The following SLIT3 variants were observed in gnomAD, a reference collection of about 807,000 sequenced individuals.
SLIT3 encodes slit guidance ligand 3.
SLIT3 carries 68 observed loss-of-function variants against 184.0 expected under a neutral mutation model. The observed-to-expected ratio is 0.37, with a 90% CI of 0.30 to 0.45. SLIT3 has a LOEUF of 0.45. Among genes scored for constraint, SLIT3 ranks in the 20% least tolerant of loss-of-function variants. The pLI, the probability that SLIT3 is intolerant of heterozygous loss-of-function variation, is 1.00. For synonymous variants in SLIT3, 831 were observed against 828.6 expected, an observed-to-expected ratio of 1.00 and a Z score of -0.05; for missense variants, 1,707 against 2,026.0, an observed-to-expected ratio of 0.84 and a Z score of 3.02.
At position 169,137,812 on chromosome 5, in the gene SLIT3, CA is replaced by C. The variant is rs138623501; in HGVS notation, c.413+55666del. On this transcript the variant is annotated intron_variant, in intron 4 of 35. Transcript: ENST00000519560. ...TCAGAGCCAAACACGCAGTCCCTCA[CA>C]AAGCAAGATGAGTTGGTCACACCAC... 8.1e-3 allele frequency among the ~76,000 whole-genome samples: 1,234 copies of C among 152,154 alleles called. 28 individuals carry two copies. The East Asian group carries it at 0.095, about 12-fold the overall frequency.
intron 32 of SLIT3, among the ~76,000 whole-genome samples, chr5:168,673,674 C>T (rs1582514237): frequency 6.6e-6 from 1 of 152,166 alleles, no homozygotes; most frequent in African/African-American, 2.4e-5. Context: ...CTTATATAAG[C>T]ACAGTGCAGT....
intron 1 of SLIT3, among the ~76,000 whole-genome samples, chr5:169,261,858 C>A (rs2090115030): frequency 6.6e-6 from 1 of 152,162 alleles, no homozygotes; most frequent in Non-Finnish European, 1.5e-5. Context: ...GCCCGTCTTG[C>A]TATAGGACTC....
At chr5:169,083,949 T>C (rs1759176799) in intron 4 of SLIT3, among the ~76,000 whole-genome samples, 1 of 152,208 alleles carries the variant, frequency 6.6e-6, no homozygotes, top group Non-Finnish European at 1.5e-5. Context: ...ACAAGCCCTG[T>C]ACCTCACTTT....
Position 168,868,999 on chromosome 5 carries a change from G to C in SLIT3, c.485+14266C>G, listed in dbSNP as rs569138663. ...TCCCTAGAAGCTTGCAGGACTCATG[G>C]AGCAGGCCCCCTGCAGATAGGAGGG... On this transcript the variant is annotated intron_variant, in intron 5 of 35. Coordinates refer to ENST00000519560, the MANE Select transcript of SLIT3 (RefSeq NM_003062.4). Among the ~76,000 whole-genome samples the C allele has an allele frequency of 1.1e-3, 161 of 152,194 alleles. 1 individual carries two copies. The highest frequency in any genetic ancestry group is 3.7e-3 in the African/African-American group (152 of 41,518).
chr5:168,889,953 G>A (rs549802051), intron 4 of SLIT3, among the ~76,000 whole-genome samples: 40 of 151,988 alleles, frequency 2.6e-4, no homozygotes, highest in African/African-American at 8.0e-4. Flanking sequence ...GACCAGCCTC[G>A]CCAACATGGT....
At chr5:168,963,371 C>T (rs563865035) in intron 4 of SLIT3, among the ~76,000 whole-genome samples, 144 of 152,256 alleles carry the variant, frequency 9.5e-4, no homozygotes, top group Non-Finnish European at 1.4e-3. Context: ...AAGGTTTCTC[C>T]ACGTTGGCCA....
At chr5:168,758,788 G>C (rs528091038) in intron 16 of SLIT3, among the ~76,000 whole-genome samples, 1 of 152,296 alleles carries the variant, frequency 6.6e-6, no homozygotes, top group Non-Finnish European at 1.5e-5. Flanking sequence ...GGGAACTGAT[G>C]GGTGGGAGCA....
At chr5:169,145,067 C>T (rs182893754) in intron 4 of SLIT3, among the ~76,000 whole-genome samples, 7 of 152,228 alleles carry the variant, frequency 4.6e-5, no homozygotes, top group African/African-American at 9.6e-5. Context: ...TTAAGGGCAG[C>T]GAACCTTGTG....
chr5:169,216,415 C>T (rs1348925868), intron 3 of SLIT3, among the ~76,000 whole-genome samples: 1 of 152,196 alleles, frequency 6.6e-6, no homozygotes, highest in Non-Finnish European at 1.5e-5. Context: ...ACCCACCTGA[C>T]ACGTTTCAAA....
At chr5:168,938,743 G>T (rs570011407) in intron 4 of SLIT3, among the ~76,000 whole-genome samples, 2 of 152,026 alleles carry the variant, frequency 1.3e-5, no homozygotes, top group African/African-American at 4.8e-5. Flanking sequence ...CGATTCTCCC[G>T]CCTCAGCCTC....
chr5:169,290,205 GCTAGGGCACACGCTAGGGTGCGCA>G, intron 1 of SLIT3, among the ~76,000 whole-genome samples: 1 of 150,684 alleles, frequency 6.6e-6, no homozygotes, highest in Non-Finnish European at 1.5e-5. Context: ...TAGGACATAT[GCTAGGGCACACGCTAGGGTGCGCA>G]CTAGGGCACA....
chr5:168,692,479 C>T, intron 29 of SLIT3, 128 bp downstream of exon 29: 1 of 622,006 alleles, frequency 1.6e-6, no homozygotes, highest in South Asian at 2.1e-5. Context: ...ATGGCTGAAT[C>T]AGAGATGCAG....
chr5:169,014,811 C>T (rs181690286), intron 4 of SLIT3, among the ~76,000 whole-genome samples: 4 of 152,204 alleles, frequency 2.6e-5, no homozygotes, highest in African/African-American at 4.8e-5. Flanking sequence ...ATTAGTTAGG[C>T]GTGGTGGCAC....
At chr5:169,218,565 C>T (rs1764520396) in intron 3 of SLIT3, among the ~76,000 whole-genome samples, 1 of 152,210 alleles carries the variant, frequency 6.6e-6, no homozygotes, top group African/African-American at 2.4e-5. Context: ...AGCTCTGCAG[C>T]TAGATTGCCT....
intron 4 of SLIT3, among the ~76,000 whole-genome samples, chr5:168,964,442 T>C (rs1763113860): frequency 6.6e-6 from 1 of 152,202 alleles, no homozygotes; most frequent in African/African-American, 2.4e-5. Flanking sequence ...GGCATAGTTT[T>C]ACGTATTATT....
intron 15 of SLIT3, 150 bp downstream of exon 15, chr5:168,762,389 T>G: frequency 1.4e-6 from 1 of 729,086 alleles, no homozygotes; most frequent in Admixed American, 2.7e-5. Context: ...TGCCTGGGTA[T>G]CTACCTTCAG....
At chr5:168,810,326 C>T (rs546203319) in intron 8 of SLIT3, among the ~76,000 whole-genome samples, 3 of 152,186 alleles carry the variant, frequency 2.0e-5, no homozygotes, top group Non-Finnish European at 2.9e-5. Context: ...GCTCTTATGG[C>T]GGTCTCATGA....
At position 169,005,531 on chromosome 5, in the gene SLIT3, T is replaced by C. The variant is rs187397177; in HGVS notation, c.414-122195A>G. ...TCTTCCCTGATGACCTGGGCCAAGG[T>C]TGAATGAGAATGGAGACAATACATT... On this transcript the variant is annotated intron_variant, in intron 4 of 35. Coordinates refer to ENST00000519560, the MANE Select transcript of SLIT3 (RefSeq NM_003062.4). Among the ~76,000 whole-genome samples the C allele has an allele frequency of 1.9e-3, 285 of 152,190 alleles. 2 individuals are homozygous for C. The highest frequency in any genetic ancestry group is 3.3e-3 in the Non-Finnish European group (221 of 67,996).
chr5:168,786,125 C>T (rs540858985), intron 11 of SLIT3, 147 bp from the exon 12 acceptor site: 64 of 614,004 alleles, frequency 1.0e-4, no homozygotes, highest in South Asian at 5.4e-4. Context: ...TTCTCATCAG[C>T]GAGACAGAGG....
Sources: allele counts gnomAD v4.1 joint callset (sites outside exome capture counted in the v4.1 genomes callset), GRCh38; gene constraint gnomAD v4.1.1; transcripts MANE v1.5; gene names NCBI Gene and HGNC (gene_info 2026-07-23, HGNC 2026-07-21).